The following FRAS1 variants were observed in gnomAD, a reference collection of about 807,000 sequenced individuals.
FRAS1 encodes extracellular matrix organizing protein FRAS1.
In FRAS1, 290 loss-of-function variants were observed where a neutral mutation model predicts 435.2. That is an observed-to-expected ratio of 0.67 (90% confidence interval 0.61 to 0.73). The LOEUF is 0.73. Ranked by LOEUF, FRAS1 falls within the 30% of genes least tolerant of loss-of-function variation. FRAS1 has a pLI of 0.00. For missense variants in FRAS1, 4,860 were observed against 5,001.5 expected, an observed-to-expected ratio of 0.97 and a Z score of 0.85; for synonymous variants, 1,800 against 1,851.0, an observed-to-expected ratio of 0.97 and a Z score of 0.71.
chr4:78,191,673 T>C (rs1722540401), intron 2 of FRAS1, among the ~76,000 whole-genome samples: 1 of 152,064 alleles, frequency 6.6e-6, no homozygotes, highest in Non-Finnish European at 1.5e-5. Flanking sequence ...GTATATCTCC[T>C]AATGCTATCC....
chr4:78,390,003 T>A (rs944809429), intron 29 of FRAS1, among the ~76,000 whole-genome samples: 3 of 152,174 alleles, frequency 2.0e-5, no homozygotes, highest in African/African-American at 7.2e-5. Flanking sequence ...TCTCCTGTAT[T>A]GCTGTGATTA....
chr4:78,196,914 C>T (rs966207130), intron 2 of FRAS1, among the ~76,000 whole-genome samples: 2 of 151,952 alleles, frequency 1.3e-5, no homozygotes, highest in East Asian at 1.9e-4. Context: ...ACTTTTGAAA[C>T]TGAAGTTGAG....
chr4:78,417,641 A>G (rs76101673), intron 32 of FRAS1, among the ~76,000 whole-genome samples: 1,608 of 152,196 alleles, frequency 0.011, 27 homozygotes, highest in African/African-American at 0.036. Flanking sequence ...CTATAGGGGG[A>G]TTGTTCTAAC....
chr4:78,071,786 A>G (rs1740364895), intron 2 of FRAS1: 1 of 150,104 alleles, frequency 6.7e-6, no homozygotes, highest in African/African-American at 2.5e-5. Context: ...TATATTGGAC[A>G]GTGCAACATT....
chr4:78,375,676 T>C, intron 25 of FRAS1, 63 bp from the exon 26 acceptor site: 5 of 1,448,056 alleles, frequency 3.5e-6, no homozygotes, highest in Non-Finnish European at 4.6e-6. Flanking sequence ...TTGCAAGCCC[T>C]TTATTTCTTT....
At chr4:78,176,824 G>T (rs1264821513) in intron 2 of FRAS1, among the ~76,000 whole-genome samples, 1 of 152,204 alleles carries the variant, frequency 6.6e-6, no homozygotes, top group Non-Finnish European at 1.5e-5. Context: ...AAACAAGGAA[G>T]GGGCCTTGTA....
intron 58 of FRAS1, among the ~76,000 whole-genome samples, chr4:78,484,877 A>G (rs557666821): frequency 7.2e-5 from 11 of 152,222 alleles, no homozygotes; most frequent in Non-Finnish European, 1.5e-4. Context: ...CTTGCATTAT[A>G]TACTACATGG....
Position 78,539,060 on chromosome 4 carries a change from T to G in FRAS1, c.11299-234T>G, listed in dbSNP as rs146258917. Among the ~76,000 whole-genome samples, 479 of 151,954 alleles carry G rather than the reference T, an allele frequency of 3.2e-3. 3 individuals are homozygous for G. Among genetic ancestry groups the G allele is most frequent in the African/African-American group, 0.011 (464 of 41,440 alleles). On this transcript the variant is annotated intron_variant, in intron 72 of 73. Transcript: ENST00000512123. ...ATTCAATTACTTCCTATTGGGTCCCTCCCATGACACATGGGGATTATGGGA... is the reference window on the plus strand; with the variant it reads ...ATTCAATTACTTCCTATTGGGTCCCGCCCATGACACATGGGGATTATGGGA...
chr4:78,094,378 C>A (rs995426025), intron 2 of FRAS1, among the ~76,000 whole-genome samples: 4 of 151,962 alleles, frequency 2.6e-5, no homozygotes, highest in African/African-American at 9.7e-5. Context: ...AGGCAACATA[C>A]TTTTTATTCC....
chr4:78,091,983 A>AG (rs1258540964), intron 2 of FRAS1, among the ~76,000 whole-genome samples: 2 of 149,270 alleles, frequency 1.3e-5, no homozygotes, highest in Non-Finnish European at 3.0e-5. Flanking sequence ...TGTCTCAAAA[A>AG]AAAAAAAAAA....
At chr4:78,122,998 A>G (rs971254662) in intron 2 of FRAS1, among the ~76,000 whole-genome samples, 1 of 152,114 alleles carries the variant, frequency 6.6e-6, no homozygotes, top group Non-Finnish European at 1.5e-5. Context: ...CCATTTGTCA[A>G]TTTTGGCTTT....
In FRAS1 at chr4:78,237,596, C is replaced by A; in HGVS notation, c.195C>A (p.Asn65Lys). The A allele has an allele frequency of 1.2e-6, 2 of 1,607,000 alleles. No homozygotes were observed. The highest frequency in any genetic ancestry group is 3.3e-5 in the Admixed American group (2 of 59,788). ...IVICKPAVCR[N>K]PQCAFEKGEV... ...TCTGCAAACCTGCTGTTTGCAGAAA[C>A]CCTCAATGTGCCTTTGAGAAGGTAC... is the stretch of plus-strand genomic sequence containing the variant. The change falls in exon 3 of 74, where the codon AAC becomes AAA. Residue 65 changes from asparagine to lysine, a missense_variant. Physicochemically the swap from Asn to Lys is moderately conservative, Grantham distance 94. Coordinates refer to ENST00000512123, the MANE Select transcript of FRAS1 (RefSeq NM_025074.7).
At chr4:78,404,544 A>G (rs566528354) in intron 30 of FRAS1, among the ~76,000 whole-genome samples, 3 of 152,192 alleles carry the variant, frequency 2.0e-5, no homozygotes, top group East Asian at 1.9e-4. Flanking sequence ...TGAACCCTTC[A>G]TCTTCCCTCC....
At chr4:78,334,152 G>A (rs959672783) in intron 19 of FRAS1, among the ~76,000 whole-genome samples, 1 of 152,108 alleles carries the variant, frequency 6.6e-6, no homozygotes, top group African/African-American at 2.4e-5. Context: ...TGTGCTCATT[G>A]TGGAAGGATT....
intron 10 of FRAS1, among the ~76,000 whole-genome samples, chr4:78,279,247 T>C (rs1727207013): frequency 6.6e-6 from 1 of 152,118 alleles, no homozygotes; most frequent in South Asian, 2.1e-4. Context: ...GTTCAAGAAA[T>C]TGGAGTCTGG....
intron 46 of FRAS1, 95 bp from the exon 47 acceptor site, chr4:78,452,080 G>A: frequency 2.9e-6 from 4 of 1,382,328 alleles, no homozygotes; most frequent in Non-Finnish European, 4.1e-6. Flanking sequence ...CAGGCCTAGA[G>A]ATGACTCTGA....
In FRAS1 at chr4:78,312,179, C is replaced by CATATATATATATATATATATAT. The variant is rs10526590; in HGVS notation, c.1679-3395_1679-3394insATATATATATATATATATATAT. Among the ~76,000 whole-genome samples, 398 of 128,482 alleles carry CATATATATATATATATATATAT rather than the reference C, an allele frequency of 3.1e-3. 12 individuals carry two copies. The highest frequency in any genetic ancestry group is 4.7e-3 in the Admixed American group (62 of 13,168). 84.3% of individuals were successfully genotyped at this position (128,482 alleles called of 152,430 possible). On this transcript the variant is annotated intron_variant, in intron 15 of 73. Transcript: ENST00000512123. The stretch of plus-strand genomic sequence containing the variant: ...TTAGGTTGTCGAGCCATCTGAAGTC[C>CATATATATATATATATATATAT]ATATATATATATATATATATGGGTT...
chr4:78,466,139 G>T, intron 49 of FRAS1, 69 bp from the exon 50 acceptor site: 4 of 1,259,614 alleles, frequency 3.2e-6, no homozygotes, highest in Non-Finnish European at 4.6e-6. Flanking sequence ...ATCAGCAATT[G>T]GGCATCACTC....
At chr4:78,175,046 A>G (rs1721705046) in intron 2 of FRAS1, among the ~76,000 whole-genome samples, 1 of 152,228 alleles carries the variant, frequency 6.6e-6, no homozygotes, top group Admixed American at 6.5e-5. Flanking sequence ...CTAGGCAGAA[A>G]GATGAAGTGG....
Sources: gnomAD v4.1 joint callset for allele counts (sites outside exome capture counted in the v4.1 genomes callset) on GRCh38, gnomAD v4.1.1 for gene constraint, MANE v1.5 for transcripts, NCBI Gene and HGNC (gene_info 2026-07-23, HGNC 2026-07-21) for gene names.